Variants in GNA12 observed in about 807,000 individuals in gnomAD.
GNA12 encodes the protein guanine nucleotide-binding protein subunit alpha-12.
A neutral mutation model predicts 26.0 loss-of-function variants in GNA12; 9 were observed. The observed-to-expected ratio is 0.35, with a 90% CI of 0.21 to 0.60. GNA12 has a LOEUF of 0.60. Ranked by LOEUF, GNA12 falls within the 20% of genes least tolerant of loss-of-function variation. The pLI is 0.78. For missense variants in GNA12, 405 were observed against 525.8 expected, an observed-to-expected ratio of 0.77 and a Z score of 2.25; for synonymous variants, 264 against 219.6, an observed-to-expected ratio of 1.20 and a Z score of -1.79.
At chr7:2,821,537 G>T (rs1793370366) in intron 1 of GNA12, among the ~76,000 whole-genome samples, 1 of 152,220 alleles carries the variant, frequency 6.6e-6, no homozygotes, top group African/African-American at 2.4e-5. Context: ...AAGGAAGCGA[G>T]GCTTGCAACT....
rs144993599 is a variant in GNA12 at position 2,779,402 on chromosome 7, C to G, written c.525+15526G>C. ...GTGCACACCGGTAGTTCTAGTTACTCGAGAGACTGAAGTGGGAGAATTGCT... is the reference window on the plus strand; with the variant it reads ...GTGCACACCGGTAGTTCTAGTTACTGGAGAGACTGAAGTGGGAGAATTGCT... On this transcript the variant is annotated intron_variant, in intron 2 of 3. Coordinates refer to ENST00000275364, the MANE Select transcript of GNA12 (RefSeq NM_007353.3). Among the ~76,000 whole-genome samples, 252 of 151,772 alleles carry G rather than the reference C, an allele frequency of 1.7e-3. 1 individual carries two copies. Among genetic ancestry groups the G allele is most frequent in the Middle Eastern group, 0.01 (3 of 294 alleles).
At chr7:2,804,264 A>G (rs1562437233) in intron 1 of GNA12, among the ~76,000 whole-genome samples, 2 of 152,272 alleles carry the variant, frequency 1.3e-5, no homozygotes, top group African/African-American at 4.8e-5. Context: ...CATTTTAAAA[A>G]GGAAAAGAAT....
chr7:2,818,046 T>C (rs1037780353), intron 1 of GNA12, among the ~76,000 whole-genome samples: 4 of 152,246 alleles, frequency 2.6e-5, no homozygotes, highest in African/African-American at 7.2e-5. Context: ...AGTGGGACTG[T>C]AGTTCACTAT....
intron 2 of GNA12, among the ~76,000 whole-genome samples, chr7:2,769,062 C>G (rs536841544): frequency 6.6e-5 from 10 of 152,270 alleles, no homozygotes; most frequent in African/African-American, 2.4e-4. Flanking sequence ...CACCACCACA[C>G]CCAGCTAATT....
chr7:2,747,471 A>AC (rs1790823052), intron 2 of GNA12, among the ~76,000 whole-genome samples: 2 of 152,092 alleles, frequency 1.3e-5, no homozygotes, highest in African/African-American at 4.8e-5. Context: ...AAATTCAACA[A>AC]CCTTCATGCT....
At chr7:2,801,737 T>C (rs968928141) in intron 1 of GNA12, among the ~76,000 whole-genome samples, 3 of 152,234 alleles carry the variant, frequency 2.0e-5, no homozygotes, top group Admixed American at 6.5e-5. Flanking sequence ...TTTTGCCCTT[T>C]TACATTTATT....
At chr7:2,840,296 C>G (rs1272998302) in intron 1 of GNA12, among the ~76,000 whole-genome samples, 1 of 152,230 alleles carries the variant, frequency 6.6e-6, no homozygotes, top group Non-Finnish European at 1.5e-5. Context: ...GTTCCTAGCT[C>G]TGCCATCTGC....
chr7:2,777,804 A>G (rs1792116301), intron 2 of GNA12, among the ~76,000 whole-genome samples: 1 of 152,250 alleles, frequency 6.6e-6, no homozygotes, highest in East Asian at 1.9e-4. Context: ...AGAAAACATG[A>G]TGAAAATACT....
chr7:2,803,469 T>C (rs1269225216), intron 1 of GNA12, among the ~76,000 whole-genome samples: 1 of 152,150 alleles, frequency 6.6e-6, no homozygotes, highest in Non-Finnish European at 1.5e-5. Context: ...TCACCCCAAG[T>C]GCTCTCAATA....
At chr7:2,772,019 G>C (rs1384733939) in intron 2 of GNA12, among the ~76,000 whole-genome samples, 1 of 152,208 alleles carries the variant, frequency 6.6e-6, no homozygotes, top group Non-Finnish European at 1.5e-5. Context: ...TGTGTGTCAT[G>C]ACTGATGACG....
intron 2 of GNA12, among the ~76,000 whole-genome samples, chr7:2,761,413 A>G (rs1220778387): frequency 1.3e-5 from 2 of 152,226 alleles, no homozygotes; most frequent in African/African-American, 4.8e-5. Context: ...ACTCCCAAGG[A>G]CGGCTGACTT....
At chr7:2,843,249 G>A (rs1264780832) in intron 1 of GNA12, among the ~76,000 whole-genome samples, 1 of 152,172 alleles carries the variant, frequency 6.6e-6, no homozygotes, top group Non-Finnish European at 1.5e-5. Flanking sequence ...ATACCATTCT[G>A]CTAGGGCACA....
Position 2,734,894 on chromosome 7 carries a change from G to A in GNA12, c.526-1393C>T, listed in dbSNP as rs1583208009. ...AGCTCTGCAGTAGGGAAGGCATCGG[G>A]AGTGCCAGGGTGAACGTACCCCAAG... On this transcript the variant is annotated intron_variant, in intron 2 of 3. Coordinates refer to ENST00000275364, the MANE Select transcript of GNA12 (RefSeq NM_007353.3). Among the ~76,000 whole-genome samples the A allele has an allele frequency of 2.6e-5, 4 of 152,290 alleles. No homozygotes were observed. The South Asian group carries it at 8.3e-4, about 32-fold the overall frequency.
chr7:2,792,825 TGGA>T (rs1193559254), intron 2 of GNA12, among the ~76,000 whole-genome samples: 1 of 152,230 alleles, frequency 6.6e-6, no homozygotes, highest in Non-Finnish European at 1.5e-5. Context: ...TAAGATGCCC[TGGA>T]GGACATTAAC....
intron 1 of GNA12, among the ~76,000 whole-genome samples, chr7:2,833,237 T>C (rs1393483225): frequency 6.6e-6 from 1 of 152,212 alleles, no homozygotes; most frequent in African/African-American, 2.4e-5. Flanking sequence ...CTTCAGGTGA[T>C]GCAAGTTAAG....
At chr7:2,815,166 G>C (rs920962649) in intron 1 of GNA12, 2 of 555,440 alleles carry the variant, frequency 3.6e-6, no homozygotes, top group East Asian at 3.6e-5. Context: ...AAGTGGACAG[G>C]AACATCGGCG....
intron 1 of GNA12, among the ~76,000 whole-genome samples, chr7:2,801,388 G>T (rs193147866): frequency 1.3e-5 from 2 of 152,300 alleles, no homozygotes; most frequent in East Asian, 3.9e-4. Flanking sequence ...AAGGCCAAAG[G>T]TCACTTACGA....
intron 1 of GNA12, among the ~76,000 whole-genome samples, chr7:2,836,806 C>A (rs1016595284): frequency 6.6e-6 from 1 of 152,100 alleles, no homozygotes; most frequent in Non-Finnish European, 1.5e-5. Context: ...TGCCTGTAGT[C>A]CCAGCTACTT....
chr7:2,805,605 T>C (rs1792926960), intron 1 of GNA12, among the ~76,000 whole-genome samples: 1 of 152,248 alleles, frequency 6.6e-6, no homozygotes, highest in Non-Finnish European at 1.5e-5. Flanking sequence ...GGCTGCCGCC[T>C]GCTCTCACGC....
Sources: allele counts gnomAD v4.1 joint callset (sites outside exome capture counted in the v4.1 genomes callset), GRCh38; gene constraint gnomAD v4.1.1; transcripts MANE v1.5; gene names NCBI Gene and HGNC (gene_info 2026-07-23, HGNC 2026-07-21).